Variants in SLC19A1 observed in about 807,000 individuals in gnomAD.
SLC19A1 encodes solute carrier family 19 member 1, also known as reduced folate transporter.
SLC19A1 carries 37 observed loss-of-function variants against 35.3 expected under a neutral mutation model. That is an observed-to-expected ratio of 1.05 (90% CI 0.81 to 1.38). SLC19A1 has a LOEUF of 1.38. SLC19A1 is among the 40% of genes most tolerant of loss of function. The probability of loss-of-function intolerance (pLI) is 0.00; values close to 1 mark genes in which losing one functional copy is unlikely to be tolerated. For synonymous variants in SLC19A1, 460 were observed against 398.5 expected (o/e 1.15, Z -1.84); for missense variants, 831 against 826.9 (o/e 1.00, Z -0.06).
At chr21:45,532,195 C>T (rs1225017529) in intron 2 of SLC19A1, 47 bp from the exon 3 acceptor site, 3 of 1,494,120 alleles carry the variant, frequency 2.0e-6, no homozygotes, top group Middle Eastern at 1.8e-4. Flanking sequence ...GCAATGCTGC[C>T]GCTGCGGCAG....
chr21:45,525,700 C>T (rs1167883494), intron 5 of SLC19A1, 117 bp downstream of exon 5: 18 of 1,221,374 alleles, frequency 1.5e-5, no homozygotes, highest in African/African-American at 4.5e-5. Context: ...GCCCCAGGCC[C>T]GCACCCTGTG....
chr21:45,539,316 G>C (rs1344947853), intron 1 of SLC19A1, among the ~76,000 whole-genome samples: 5 of 152,356 alleles, frequency 3.3e-5, no homozygotes, highest in East Asian at 3.9e-4. Context: ...CTGCTCAGGT[G>C]GGGTGGGGAT....
Position 45,531,566 on chromosome 21 carries a change from G to A in SLC19A1, c.772C>T (p.Leu258=), listed in dbSNP as rs1005924771. 4 of 1,612,238 alleles carry A rather than the reference G, an allele frequency of 2.5e-6. No individual in the cohort carries two copies. Among genetic ancestry groups the A allele is most frequent in the African/African-American group, 2.7e-5 (2 of 74,886 alleles). The stretch of plus-strand genomic sequence containing the variant: ...TGCGGCCGCCGCAGGCTGTCCCCCA[G>A]CTCCCGCAGCATCCGCGCCAGCACT... The part of the protein sequence containing the change: ...DSVLARMLRE[L]GDSLRRPQLR... The change falls in exon 3 of 6, where the codon CTG becomes TTG. Residue 258 remains leucine (L), a synonymous_variant. Transcript: ENST00000311124.
upstream of SLC19A1, among the ~76,000 whole-genome samples, chr21:45,546,280 G>T (rs985881389): frequency 5.9e-5 from 9 of 152,240 alleles, no homozygotes; most frequent in Non-Finnish European, 8.8e-5. Context: ...TCCCTGGCCT[G>T]CCTGGAGCCC....
At chr21:45,522,770 C>T (rs1224361935) in intron 5 of SLC19A1, among the ~76,000 whole-genome samples, 1 of 152,136 alleles carries the variant, frequency 6.6e-6, no homozygotes, top group East Asian at 1.9e-4. Flanking sequence ...ATACAACACT[C>T]CTGAAATGAC....
intron 5 of SLC19A1, among the ~76,000 whole-genome samples, chr21:45,523,922 C>G (rs868545906): frequency 1.3e-5 from 2 of 152,330 alleles, no homozygotes; most frequent in South Asian, 2.1e-4. Context: ...CAGCACCCCG[C>G]CCTGGGGCCA....
intron 5 of SLC19A1, among the ~76,000 whole-genome samples, chr21:45,516,526 G>A (rs1232169167): frequency 6.6e-6 from 1 of 152,230 alleles, no homozygotes; most frequent in Non-Finnish European, 1.5e-5. Context: ...GCAGAGCAGG[G>A]TGAGGAGAGC....
downstream of SLC19A1, chr21:45,511,108 C>T (rs1015059241): frequency 6.5e-7 from 1 of 1,528,138 alleles, no homozygotes; most frequent in South Asian, 1.2e-5. Context: ...GTTTCTCTTC[C>T]AGGACGAGCT....
chr21:45,523,413 G>A (rs1196214097), intron 5 of SLC19A1, among the ~76,000 whole-genome samples: 2 of 152,138 alleles, frequency 1.3e-5, no homozygotes, highest in Admixed American at 6.5e-5. Flanking sequence ...CACCTCCCCA[G>A]AGCTGTCTCC....
chr21:45,536,060 AG>A lies in SLC19A1; in HGVS notation c.189+1710del, dbSNP rs546993590. ...CGTGAAGTTCTTGTCGGGCCCCAGG[AG>A]GGAGGGCGTGATGAAGCTCTCCCCG... On this transcript the variant is annotated intron_variant, in intron 2 of 5. Transcript: ENST00000311124. The A allele has an allele frequency of 7.3e-5, 26 of 357,012 alleles. No homozygotes were observed. The East Asian group carries it at 3.6e-3, about 49-fold the overall frequency. The allele number at this position is 357,012 out of a possible 1,614,324, so 22.1% of individuals were successfully genotyped here.
downstream of SLC19A1, chr21:45,509,333 G>A (rs1231059133): frequency 1.3e-6 from 2 of 1,542,248 alleles, no homozygotes; most frequent in Non-Finnish European, 1.7e-6. Flanking sequence ...CCCGCCGACA[G>A]GCCCCACGTC....
At chr21:45,538,774 C>A (rs1392708419) in intron 1 of SLC19A1, among the ~76,000 whole-genome samples, 1 of 152,208 alleles carries the variant, frequency 6.6e-6, no homozygotes, top group Non-Finnish European at 1.5e-5. Flanking sequence ...ACGAAAGCAG[C>A]TGGCAGGAGC....
rs1027102435 is a variant in SLC19A1, at chr21:45,504,505, C to T, written c.498-5893G>A. On this transcript the variant is annotated intron_variant, in intron 3 of 4. Coordinates refer to the SLC19A1 transcript ENST00000417954. ...GTTTCTTCGGCTCCAGCCTGCCCGG[C>T]CCCCCCGGCCCCCCAGGCCCCCCAG... 1.5e-5 allele frequency: 21 copies of T among 1,390,268 alleles called. No individual in the cohort carries two copies. The highest frequency in any genetic ancestry group is 2.5e-5 in the Admixed American group (1 of 40,504). 86.1% of individuals were successfully genotyped at this position (1,390,268 alleles called of 1,614,324 possible).
chr21:45,535,002 A>T, intron 2 of SLC19A1, among the ~76,000 whole-genome samples: 1 of 152,260 alleles, frequency 6.6e-6, no homozygotes, highest in East Asian at 1.9e-4. Context: ...TTCTCTGAAC[A>T]GGGAGGCGGG....
At chr21:45,510,058 C>A, downstream of SLC19A1, 1 of 1,554,006 alleles carries the variant, frequency 6.4e-7, no homozygotes, top group Non-Finnish European at 8.7e-7. Context: ...GCCCCTCTCC[C>A]CGCAGCTCCA....
In SLC19A1 at chr21:45,530,686, C is replaced by A; in HGVS notation, c.1151+84G>T. On this transcript the variant is annotated intron_variant, in intron 4 of 5. Coordinates refer to ENST00000311124, the MANE Select transcript of SLC19A1 (RefSeq NM_194255.4). This position sits in a 1 kb window ranked among gnomAD's most constrained non-coding sequence, Gnocchi z 5.3. ...CAGTGGCACAGCCGCTGGGGCGCAG[C>A]AGGAAGGTGGGAGCACCCAGCGAAG... is the stretch of plus-strand genomic sequence containing the variant. The A allele has an allele frequency of 7.2e-7, 1 of 1,391,760 alleles. No homozygotes were observed. Among genetic ancestry groups the A allele is most frequent in the Non-Finnish European group, 9.8e-7 (1 of 1,020,146 alleles). The allele number at this position is 1,391,760 out of a possible 1,614,324, so 86.2% of individuals were successfully genotyped here.
chr21:45,511,418 G>A (rs2037601561), downstream of SLC19A1, among the ~76,000 whole-genome samples: 1 of 152,148 alleles, frequency 6.6e-6, no homozygotes, highest in South Asian at 2.1e-4. Context: ...TTAGCAATGC[G>A]TTTGAGAGCC....
intron 5 of SLC19A1, among the ~76,000 whole-genome samples, 177 bp from the exon 6 acceptor site, chr21:45,516,317 C>T (rs560912228): frequency 6.6e-6 from 1 of 152,232 alleles, no homozygotes; most frequent in Non-Finnish European, 1.5e-5. Context: ...ACCACAGCCC[C>T]CCCGACCTCC....
chr21:45,542,878 C>T (rs2078356676), upstream of SLC19A1, among the ~76,000 whole-genome samples: 1 of 151,296 alleles, frequency 6.6e-6, no homozygotes, highest in Admixed American at 6.6e-5. Context: ...GCATTCCTGG[C>T]CGCAAGCTGG....
Sources: allele counts gnomAD v4.1 joint callset (sites outside exome capture counted in the v4.1 genomes callset), GRCh38; gene constraint gnomAD v4.1.1; non-coding constraint Gnocchi (gnomAD v3.1); transcripts MANE v1.5; gene names NCBI Gene and HGNC (gene_info 2026-07-23, HGNC 2026-07-21).